DNMT3A: variants seen among roughly 807,000 people sequenced by gnomAD.
DNMT3A encodes the protein DNA (cytosine-5)-methyltransferase 3A.
Under a neutral mutation model 117.6 loss-of-function variants are expected in DNMT3A, and 267 were observed. That is an observed-to-expected ratio of 2.27 (90% CI 2.05 to 2.51). The LOEUF is 2.51. DNMT3A is among the 30% of genes most tolerant of loss of function. The pLI, the probability that DNMT3A is intolerant of heterozygous loss-of-function variation, is 0.00. For missense variants in DNMT3A, 1,029 were observed against 1,260.2 expected (o/e 0.82, Z 2.78); for synonymous variants, 432 against 474.8 (o/e 0.91, Z 1.17).
At chr2:25,250,815 G>C (rs1003924622) in intron 6 of DNMT3A, among the ~76,000 whole-genome samples, 4 of 152,224 alleles carry the variant, frequency 2.6e-5, no homozygotes, top group Non-Finnish European at 5.9e-5. Flanking sequence ...TGTGCAGGTA[G>C]CAGTGGGCGG....
At chr2:25,331,677 C>G (rs2035018263) in intron 1 of DNMT3A, among the ~76,000 whole-genome samples, 1 of 152,192 alleles carries the variant, frequency 6.6e-6, no homozygotes, top group African/African-American at 2.4e-5. Flanking sequence ...TCAAAATCTT[C>G]CTTCAAACAT....
In DNMT3A at chr2:25,313,768, A is replaced by C. The variant is rs112715583; in HGVS notation, c.72+145T>G. On this transcript the variant is annotated intron_variant, in intron 2 of 22. Transcript: ENST00000321117. ...CAAGCCTCCGTTTCCTCATCACCCA[A>C]ACAGGGATGTGATGGTCCCACACCC... 13 of 1,269,378 alleles carry C rather than the reference A, an allele frequency of 1.0e-5. No individual in the cohort carries two copies. In the South Asian group the frequency reaches 1.9e-4, roughly 18 times the overall value. The allele number at this position is 1,269,378 out of a possible 1,614,324, so 78.6% of individuals were successfully genotyped here.
rs560697615 is a variant in DNMT3A, at chr2:25,315,499, C to T, written c.-177-1338G>A. On this transcript the variant is annotated intron_variant, in intron 1 of 22. Coordinates refer to ENST00000321117, the MANE Select transcript of DNMT3A (RefSeq NM_022552.5). Reference sequence around the variant, plus strand: ...CCATTCCCCATACCCCTAGGCACAGCGCAGTGCTGGGCTTAAGGAAGGTTT... The same window carrying T: ...CCATTCCCCATACCCCTAGGCACAGTGCAGTGCTGGGCTTAAGGAAGGTTT... 2.6e-5 allele frequency among the ~76,000 whole-genome samples: 4 copies of T among 152,316 alleles called. No individual in the cohort carries two copies. In the East Asian group the frequency reaches 5.8e-4, roughly 22 times the overall value.
intron 3 of DNMT3A, among the ~76,000 whole-genome samples, chr2:25,292,185 C>T (rs1480580751): frequency 6.6e-6 from 1 of 151,600 alleles, no homozygotes; most frequent in African/African-American, 2.4e-5. Flanking sequence ...ATCCCTTCGA[C>T]CCTTAAAAAA....
rs1257352317 is a variant in DNMT3A at position 25,240,384 on chromosome 2, T to TCTCCCTCCTTGGGC, written c.2226_2239dup (p.Asp747GlyfsTer37). The TCTCCCTCCTTGGGC allele has an allele frequency of 6.2e-7, 1 of 1,614,038 alleles. No homozygotes were observed. The stretch of plus-strand genomic sequence containing the variant: ...AAAGAGCCAGAAGAAGGGGCGATCA[T>TCTCCCTCCTTGGGC]CTCCCTCCTTGGGCCGCGCATCATG... On this transcript the variant is annotated frameshift_variant, in exon 19 of 23. Transcript: ENST00000321117. LOFTEE classifies it high-confidence loss of function.
chr2:25,308,899 G>C (rs2033924007), intron 2 of DNMT3A, among the ~76,000 whole-genome samples: 1 of 151,988 alleles, frequency 6.6e-6, no homozygotes, highest in Non-Finnish European at 1.5e-5. Flanking sequence ...TGGCTGCCAG[G>C]CCTCTGGGCC....
chr2:25,328,557 T>C, intron 1 of DNMT3A: 11 of 456,176 alleles, frequency 2.4e-5, no homozygotes, highest in South Asian at 1.8e-4. Context: ...GAGGTCAGAG[T>C]TCATGCGTTG....
At position 25,282,405 on chromosome 2, in the gene DNMT3A, G is replaced by A. The variant is rs1249970487; in HGVS notation, c.448+36C>T. ...CCTGACTCTCAGGGTATGCTGGTGG[G>A]CCCAGAAGAGGCTGCCCCTGGTGCT... On this transcript the variant is annotated intron_variant, in intron 4 of 22. Coordinates refer to ENST00000321117, the MANE Select transcript of DNMT3A (RefSeq NM_022552.5). This position sits in a 1 kb window ranked among gnomAD's most constrained non-coding sequence, Gnocchi z 5.2. 3 of 1,600,336 alleles carry A rather than the reference G, an allele frequency of 1.9e-6. No individual in the cohort carries two copies. Among genetic ancestry groups the A allele is most frequent in the Non-Finnish European group, 2.6e-6 (3 of 1,174,028 alleles).
In DNMT3A at chr2:25,252,372, T is replaced by C. The variant is rs1037592065; in HGVS notation, c.640-4120A>G. 3 of 639,656 alleles carry C rather than the reference T, an allele frequency of 4.7e-6. No homozygotes were observed. The highest frequency in any genetic ancestry group is 2.0e-5 in the African/African-American group (1 of 51,024). The allele number at this position is 639,656 out of a possible 1,614,324, so 39.6% of individuals were successfully genotyped here. A position where few individuals can be genotyped will look rare whatever the true frequency, so the allele number is the denominator to read the frequency against. On this transcript the variant is annotated intron_variant, in intron 6 of 22. Coordinates refer to ENST00000321117, the MANE Select transcript of DNMT3A (RefSeq NM_022552.5). This position sits in a 1 kb window ranked among gnomAD's most constrained non-coding sequence, Gnocchi z 5.5. ...GGAGGGAGGGAACATTTTCTTTGTCTAGGACTCCAGGTCACGTGGGCCCCG... is the reference window on the plus strand; with the variant it reads ...GGAGGGAGGGAACATTTTCTTTGTCCAGGACTCCAGGTCACGTGGGCCCCG...
At position 25,231,729 on chromosome 2, in the gene DNMT3A, G is replaced by A. The variant is rs1476061248; in HGVS notation, c.*2550C>T. On this transcript the variant is annotated 3_prime_UTR_variant, in exon 23 of 23. Coordinates refer to ENST00000321117, the MANE Select transcript of DNMT3A (RefSeq NM_022552.5). Reference sequence around the variant, plus strand: ...TCAGTATCACAGGTTGCTAACAGAAGAATCTTTTGACATCACCAGGGGCAA... The same window carrying A: ...TCAGTATCACAGGTTGCTAACAGAAAAATCTTTTGACATCACCAGGGGCAA... 6.6e-6 allele frequency: 1 copy of A among 152,178 alleles called. No individual in the cohort carries two copies. The highest frequency in any genetic ancestry group is 1.5e-5 in the Non-Finnish European group (1 of 68,058). 9.4% of individuals were successfully genotyped at this position (152,178 alleles called of 1,614,324 possible).
intron 1 of DNMT3A, among the ~76,000 whole-genome samples, chr2:25,319,114 A>AC (rs2034496460): frequency 6.7e-6 from 1 of 148,226 alleles, no homozygotes; most frequent in African/African-American, 2.5e-5. Context: ...TCCCGGGTTC[A>AC]TGCCATTCTC....
Position 25,282,384 on chromosome 2 carries a change from A to C in DNMT3A, c.448+57T>G. 1 of 1,577,478 alleles carries C rather than the reference A, an allele frequency of 6.3e-7. No homozygotes were observed. Among genetic ancestry groups the C allele is most frequent in the Non-Finnish European group, 8.6e-7 (1 of 1,161,248 alleles). ...GACCTGCTGGAGAGCCAAGTCCCTG[A>C]CTCTCAGGGTATGCTGGTGGGCCCA... On this transcript the variant is annotated intron_variant, in intron 4 of 22. Coordinates refer to ENST00000321117, the MANE Select transcript of DNMT3A (RefSeq NM_022552.5). This position sits in a 1 kb window ranked among gnomAD's most constrained non-coding sequence, Gnocchi z 5.2.
chr2:25,243,933 AT>A lies in DNMT3A; in HGVS notation c.1900del (p.Ile634SerfsTer17). 1 of 1,552,374 alleles carries A rather than the reference AT, an allele frequency of 6.4e-7. No individual in the cohort carries two copies. Among genetic ancestry groups the A allele is most frequent in the Non-Finnish European group, 8.7e-7 (1 of 1,147,234 alleles). On this transcript the variant is annotated frameshift_variant, in exon 16 of 23. Transcript: ENST00000321117. LOFTEE classifies it high-confidence loss of function. ...TCCATCAAAGAGAGACAGCACCCGG[AT>A]GGGCTTCCTCTTCTCAGCTGGGACA... ...PPVPAEKRKP[I>X]RVLSLFDGIA...
intron 16 of DNMT3A, 132 bp downstream of exon 16, chr2:25,243,766 G>C: frequency 9.6e-7 from 1 of 1,039,822 alleles, no homozygotes; most frequent in Non-Finnish European, 1.4e-6. Context: ...TCACACACAA[G>C]CTTCCCCTTT....
At chr2:25,268,060 T>C (rs1374066067) in intron 6 of DNMT3A, among the ~76,000 whole-genome samples, 2 of 152,154 alleles carry the variant, frequency 1.3e-5, no homozygotes, top group Non-Finnish European at 2.9e-5. Flanking sequence ...TTAAGGTCCA[T>C]GAAGGCTCTG....
rs747174881 is a variant in DNMT3A, at chr2:25,249,669, G to A, written c.640-1417C>T. 17 of 1,614,110 alleles carry A rather than the reference G, an allele frequency of 1.1e-5. No individual in the cohort carries two copies. In the East Asian group the frequency reaches 2.2e-4, roughly 21 times the overall value. On this transcript the variant is annotated intron_variant, in intron 6 of 22. Transcript: ENST00000321117. ...TCCATCCTTTCACCGTATCACACTCGTCTTTCAGGCTACGATCCACGCGCC... is the reference window on the plus strand; with the variant it reads ...TCCATCCTTTCACCGTATCACACTCATCTTTCAGGCTACGATCCACGCGCC...
At chr2:25,269,095 G>C (rs2030630407) in intron 6 of DNMT3A, among the ~76,000 whole-genome samples, 2 of 152,244 alleles carry the variant, frequency 1.3e-5, no homozygotes, top group South Asian at 4.1e-4. Context: ...GCCAAAGCAG[G>C]CGGATCACTT....
At chr2:25,244,707 G>A (rs891816812) in intron 13 of DNMT3A, 55 bp from the exon 14 acceptor site, 71 of 1,495,638 alleles carry the variant, frequency 4.7e-5, no homozygotes, top group Non-Finnish European at 4.5e-5. Flanking sequence ...AGGACGGCCA[G>A]GACGAAGGGA....
intron 3 of DNMT3A, among the ~76,000 whole-genome samples, chr2:25,297,214 C>T (rs935408320): frequency 2.6e-5 from 4 of 152,162 alleles, no homozygotes; most frequent in Admixed American, 1.3e-4. Context: ...CAGTCTTTCT[C>T]GGTTCCTCCA....
Sources: allele counts gnomAD v4.1 joint callset (sites outside exome capture counted in the v4.1 genomes callset), GRCh38; gene constraint gnomAD v4.1.1; non-coding constraint Gnocchi (gnomAD v3.1); transcripts MANE v1.5; gene names NCBI Gene and HGNC (gene_info 2026-07-23, HGNC 2026-07-21).